ROBO2: variants seen among roughly 807,000 people sequenced by gnomAD.
The protein encoded by ROBO2 is roundabout guidance receptor 2.
Under a neutral mutation model 160.8 loss-of-function variants are expected in ROBO2, and 53 were observed. The ratio of observed to expected loss-of-function variants is 0.33; its 90% confidence interval spans 0.26 to 0.41. ROBO2 has a LOEUF of 0.41. Among genes scored for constraint, ROBO2 ranks in the 10% least tolerant of loss-of-function variants. The pLI is 1.00. For missense variants in ROBO2, 1,577 were observed against 1,722.4 expected (o/e 0.92, Z 1.49); for synonymous variants, 664 against 611.7 (o/e 1.09, Z -1.26).
chr3:77,452,930 T>C (rs913890964), intron 2 of ROBO2, among the ~76,000 whole-genome samples: 1 of 152,170 alleles, frequency 6.6e-6, no homozygotes, highest in East Asian at 1.9e-4. Context: ...ATCCTTAAAA[T>C]GGGTATTTCT....
chr3:76,840,525 G>A (rs1325172107), intron 2 of ROBO2, among the ~76,000 whole-genome samples: 3 of 150,874 alleles, frequency 2.0e-5, no homozygotes, highest in Admixed American at 1.3e-4. Flanking sequence ...CAGGAGAATC[G>A]CTTGAACCCA....
intron 2 of ROBO2, among the ~76,000 whole-genome samples, chr3:76,111,199 G>A (rs1195024175): frequency 6.6e-6 from 1 of 152,030 alleles, no homozygotes. Flanking sequence ...GAGGGCAGAG[G>A]ACCATGTTAA....
chr3:77,557,751 T>C (rs1367905415), intron 8 of ROBO2, among the ~76,000 whole-genome samples, 193 bp from the exon 10 acceptor site: 2 of 151,928 alleles, frequency 1.3e-5, no homozygotes, highest in Non-Finnish European at 2.9e-5. Flanking sequence ...ATAGTATATA[T>C]GTATGTACAT....
intron 2 of ROBO2, among the ~76,000 whole-genome samples, chr3:76,097,766 A>C (rs918871873): frequency 6.6e-6 from 1 of 152,026 alleles, no homozygotes; most frequent in Admixed American, 6.5e-5. Context: ...GAGGGCTGGA[A>C]CTCTGTTTTG....
chr3:76,194,025 A>T (rs1026409892), intron 2 of ROBO2, among the ~76,000 whole-genome samples: 1 of 152,036 alleles, frequency 6.6e-6, no homozygotes, highest in Non-Finnish European at 1.5e-5. Flanking sequence ...TTGAACTCAG[A>T]TCTCTCTGCC....
At chr3:77,229,094 C>T (rs1177554721) in intron 2 of ROBO2, among the ~76,000 whole-genome samples, 1 of 152,066 alleles carries the variant, frequency 6.6e-6, no homozygotes, top group Non-Finnish European at 1.5e-5. Context: ...AAGCCTTCGC[C>T]ATGGTTTCTG....
intron 2 of ROBO2, among the ~76,000 whole-genome samples, chr3:77,102,924 A>C (rs1465795521): frequency 6.6e-6 from 1 of 152,192 alleles, no homozygotes; most frequent in Non-Finnish European, 1.5e-5. Context: ...TCTCTAGGCA[A>C]AAAATGTTTT....
exon 4 of ROBO2, chr3:77,481,100 T>C (rs765634836): frequency 1.2e-6 from 2 of 1,611,734 alleles, no homozygotes; most frequent in Non-Finnish European, 8.5e-7. Flanking sequence ...TTTTAACAGA[T>C]CCGTGGTGGA....
At chr3:76,840,147 A>G (rs2068081389) in intron 2 of ROBO2, among the ~76,000 whole-genome samples, 2 of 149,364 alleles carry the variant, frequency 1.3e-5, no homozygotes, top group African/African-American at 4.9e-5. Context: ...TTTTTGTTTC[A>G]TTTATCTTTT....
chr3:76,963,836 C>CAAAAA (rs11407644), intron 2 of ROBO2, among the ~76,000 whole-genome samples: 24 of 106,224 alleles, frequency 2.3e-4, no homozygotes, highest in African/African-American at 7.9e-4. Context: ...TGAGGAACTG[C>CAAAAA]AAAAAAAAAA....
chr3:76,544,959 G>C (rs114067188), intron 2 of ROBO2, among the ~76,000 whole-genome samples: 1 of 152,022 alleles, frequency 6.6e-6, no homozygotes, highest in African/African-American at 2.4e-5. Flanking sequence ...CAAGTCCATG[G>C]ACAAGAGATT....
At chr3:76,782,465 G>T (rs1454839999) in intron 2 of ROBO2, among the ~76,000 whole-genome samples, 1 of 150,632 alleles carries the variant, frequency 6.6e-6, no homozygotes, top group Non-Finnish European at 1.5e-5. Context: ...ATCTGTCCTT[G>T]TTAAAAGTGG....
intron 2 of ROBO2, among the ~76,000 whole-genome samples, chr3:76,252,842 G>A (rs34587302): frequency 0.34 from 50,846 of 151,122 alleles, 10,590 homozygotes; most frequent in Non-Finnish European, 0.46. Flanking sequence ...TCACTCACGG[G>A]ATTGTGAAGA....
intron 2 of ROBO2, among the ~76,000 whole-genome samples, chr3:76,216,632 C>A (rs1313796253): frequency 6.6e-6 from 1 of 152,130 alleles, no homozygotes; most frequent in Non-Finnish European, 1.5e-5. Context: ...TATATGCACC[C>A]AATACAGGAG....
rs140604689 is a variant in ROBO2 at position 76,190,818 on chromosome 3, C to T, written c.109+253216C>T. ...TAATATTTTCTTTCCCTTTCTATAC[C>T]GAATTTCATTCAAATCTTGACGTCA... On this transcript the variant is annotated intron_variant, in intron 2 of 26. Coordinates refer to the ROBO2 transcript ENST00000487694. 1.3e-3 allele frequency among the ~76,000 whole-genome samples: 196 copies of T among 152,116 alleles called. No homozygotes were observed. In the Middle Eastern group the frequency reaches 0.014, roughly 11 times the overall value.
chr3:76,027,241 CAATT>C (rs909637211), intron 2 of ROBO2, among the ~76,000 whole-genome samples: 4 of 151,814 alleles, frequency 2.6e-5, no homozygotes, highest in Non-Finnish European at 5.9e-5. Flanking sequence ...AAGTATAACT[CAATT>C]AAAGCACATA....
intron 2 of ROBO2, among the ~76,000 whole-genome samples, chr3:76,355,782 G>A (rs1454537117): frequency 2.0e-5 from 3 of 151,818 alleles, no homozygotes; most frequent in East Asian, 3.9e-4. Flanking sequence ...TGGGAGCTAC[G>A]ATTTTTTTGG....
intron 1 of ROBO2, among the ~76,000 whole-genome samples, chr3:77,055,279 A>G (rs550606276): frequency 2.1e-4 from 32 of 152,140 alleles, no homozygotes; most frequent in Non-Finnish European, 4.3e-4. Context: ...TGGTCTTGAT[A>G]TTAGGGGTGT....
intron 2 of ROBO2, among the ~76,000 whole-genome samples, chr3:76,852,628 C>T (rs967106378): frequency 6.6e-6 from 1 of 152,076 alleles, no homozygotes; most frequent in African/African-American, 2.4e-5. Flanking sequence ...ATTAGAAGCT[C>T]AAACAAGCCC....
Sources: gnomAD v4.1 joint callset for allele counts (sites outside exome capture counted in the v4.1 genomes callset) on GRCh38, gnomAD v4.1.1 for gene constraint, MANE v1.5 for transcripts, NCBI Gene and HGNC (gene_info 2026-07-23, HGNC 2026-07-21) for gene names.